TYW5: variants seen among roughly 807,000 people sequenced by gnomAD.
TYW5 encodes the protein tRNA-yW synthesizing protein 5.
Under a neutral mutation model 44.4 loss-of-function variants are expected in TYW5, and 36 were observed. That is an observed-to-expected ratio of 0.81 (90% CI 0.62 to 1.07). The LOEUF (loss-of-function observed/expected upper bound fraction) is 1.07, where lower values mean the gene tolerates loss of function less well. Among genes scored for constraint, TYW5 ranks in the 50% least tolerant of loss-of-function variants. The pLI, the probability that TYW5 is intolerant of heterozygous loss-of-function variation, is 0.00. For missense variants in TYW5, 354 were observed against 365.7 expected (o/e 0.97, Z 0.26); for synonymous variants, 121 against 128.1 (o/e 0.94, Z 0.37).
chr2:199,954,473 C>T, intron 1 of TYW5, among the ~76,000 whole-genome samples: 1 of 152,002 alleles, frequency 6.6e-6, no homozygotes, highest in South Asian at 2.1e-4. Context: ...CTCTTGTTGC[C>T]CAGGCTGGAG....
Position 199,929,082 on chromosome 2 carries a change from A to G in TYW5, c.*3985T>C, listed in dbSNP as rs1170757716. On this transcript the variant is annotated 3_prime_UTR_variant, in exon 8 of 8. Transcript: ENST00000354611. Reference sequence around the variant, plus strand: ...CTCATGTTGCTCTTTACAAAGGAAGAGACCCAGCAGCTTTTAAGCCAGTTA... The same window carrying G: ...CTCATGTTGCTCTTTACAAAGGAAGGGACCCAGCAGCTTTTAAGCCAGTTA... Among the ~76,000 whole-genome samples, 1 of 152,208 alleles carries G rather than the reference A, an allele frequency of 6.6e-6. No individual in the cohort carries two copies. The highest frequency in any genetic ancestry group is 6.5e-5 in the Admixed American group (1 of 15,272).
rs199807816 is a variant in TYW5 at position 199,929,415 on chromosome 2, C to CT, written c.*3651dup. 7.9e-3 allele frequency among the ~76,000 whole-genome samples: 1,203 copies of CT among 152,226 alleles called. 21 individuals carry two copies. Among genetic ancestry groups the CT allele is most frequent in the African/African-American group, 0.027 (1,103 of 41,538 alleles). On this transcript the variant is annotated 3_prime_UTR_variant, in exon 8 of 8. Transcript: ENST00000354611. ...TGTGGCTTGTATGCTTGAAACAAGA[C>CT]TAAGGTAACACCAGAGATGTGTGGG...
intron 3 of TYW5, among the ~76,000 whole-genome samples, chr2:199,941,499 T>G (rs2077464576): frequency 6.6e-6 from 1 of 152,310 alleles, no homozygotes; most frequent in Non-Finnish European, 1.5e-5. Flanking sequence ...AACATAAACT[T>G]CAAAAGATAA....
chr2:199,942,637 C>T (rs1453400208), intron 3 of TYW5: 1 of 151,850 alleles, frequency 6.6e-6, no homozygotes, highest in Non-Finnish European at 1.5e-5. Context: ...TAATGGAATC[C>T]ATTTAAAAAG....
chr2:199,950,987 A>G (rs886112826), intron 1 of TYW5, among the ~76,000 whole-genome samples: 1 of 152,200 alleles, frequency 6.6e-6, no homozygotes, highest in African/African-American at 2.4e-5. Flanking sequence ...TTAACCCACC[A>G]CTACTATGAC....
intron 5 of TYW5, among the ~76,000 whole-genome samples, chr2:199,937,910 T>C (rs1361505972): frequency 6.6e-6 from 1 of 151,702 alleles, no homozygotes; most frequent in Admixed American, 6.6e-5. Flanking sequence ...TTTTTTTTTC[T>C]TTGGAAACTT....
rs35165461 is a variant in TYW5 at position 199,929,970 on chromosome 2, ATTT to A, written c.*3094_*3096del. ...ACCACTCCCCAGCTCTGCATATAAT[ATTT>A]TTTTTTTTTTTTTTTTTTTTGAGAC... On this transcript the variant is annotated 3_prime_UTR_variant, in exon 8 of 8. Transcript: ENST00000354611. The A allele has an allele frequency of 6.5e-4, 58 of 89,862 alleles. No individual in the cohort carries two copies. The highest frequency in any genetic ancestry group is 2.6e-3 in the East Asian group (8 of 3,118). 5.6% of individuals were successfully genotyped at this position (89,862 alleles called of 1,614,324 possible).
chr2:199,946,104 A>G (rs1332172907), intron 2 of TYW5: 1 of 152,216 alleles, frequency 6.6e-6, no homozygotes, highest in Non-Finnish European at 1.5e-5. Context: ...AAGTTACTTA[A>G]TATTTTTAAA....
At chr2:199,935,439 C>T (rs932067941) in intron 7 of TYW5, among the ~76,000 whole-genome samples, 1 of 151,800 alleles carries the variant, frequency 6.6e-6, no homozygotes, top group Non-Finnish European at 1.5e-5. Context: ...ACCTCGTGGG[C>T]CCAAGAGATC....
intron 5 of TYW5, among the ~76,000 whole-genome samples, chr2:199,938,087 CAG>C (rs1157510913): frequency 2.0e-5 from 3 of 149,342 alleles, no homozygotes; most frequent in Non-Finnish European, 4.4e-5. Context: ...TTTTTTGAGA[CAG>C]AGTCTCGTTC....
rs2077369157 is a variant in TYW5 at position 199,930,622 on chromosome 2, A to C, written c.*2445T>G. On this transcript the variant is annotated 3_prime_UTR_variant, in exon 8 of 8. Coordinates refer to ENST00000354611, the MANE Select transcript of TYW5 (RefSeq NM_001039693.3). The stretch of plus-strand genomic sequence containing the variant: ...CTGACCCACCATTACTTTTATTTTG[A>C]ATCTTGTCTGTGTAGCAAGCAGTGC... The C allele has an allele frequency of 6.6e-6, 1 of 152,130 alleles. No homozygotes were observed. The highest frequency in any genetic ancestry group is 1.5e-5 in the Non-Finnish European group (1 of 68,054). 9.4% of individuals were successfully genotyped at this position (152,130 alleles called of 1,614,324 possible). A position where few individuals can be genotyped will look rare whatever the true frequency, so the allele number is the denominator to read the frequency against.
rs1232659815 is a variant in TYW5 at position 199,931,525 on chromosome 2, G to A, written c.*1542C>T. 6.6e-6 allele frequency: 1 copy of A among 152,134 alleles called. No individual in the cohort carries two copies. The highest frequency in any genetic ancestry group is 1.5e-5 in the Non-Finnish European group (1 of 67,992). The allele number at this position is 152,134 out of a possible 1,614,324, so 9.4% of individuals were successfully genotyped here. ...TGAAGGACAAGGAATCAGTAAAGAA[G>A]TTCTTTGCTTTGCTTAATGAAGATC... On this transcript the variant is annotated 3_prime_UTR_variant, in exon 8 of 8. Transcript: ENST00000354611.
intron 1 of TYW5, among the ~76,000 whole-genome samples, chr2:199,949,349 CAG>C (rs2077527273): frequency 6.6e-6 from 1 of 152,132 alleles, no homozygotes; most frequent in African/African-American, 2.4e-5. Flanking sequence ...GCCTGGGCGA[CAG>C]AGTGAAACTC....
chr2:199,952,809 C>T (rs967676387), intron 1 of TYW5, among the ~76,000 whole-genome samples: 2 of 152,188 alleles, frequency 1.3e-5, no homozygotes, highest in Non-Finnish European at 2.9e-5. Context: ...CGAGTGTACT[C>T]ACAACTTGTG....
At chr2:199,947,720 C>T (rs548929595) in intron 2 of TYW5, 3 of 152,412 alleles carry the variant, frequency 2.0e-5, no homozygotes, top group African/African-American at 7.2e-5. Flanking sequence ...CATCCAACTT[C>T]GTATGAAATC....
chr2:199,938,873 GT>G, intron 5 of TYW5, 59 bp downstream of exon 5: 1 of 1,498,300 alleles, frequency 6.7e-7, no homozygotes, highest in Non-Finnish European at 8.9e-7. Context: ...AACTGTGACT[GT>G]TAAATCTATA....
At chr2:199,934,969 A>G (rs1354922773) in intron 7 of TYW5, among the ~76,000 whole-genome samples, 1 of 152,032 alleles carries the variant, frequency 6.6e-6, no homozygotes, top group Non-Finnish European at 1.5e-5. Flanking sequence ...TTTAATATGA[A>G]ATCTTTCATC....
Position 199,948,422 on chromosome 2 carries a change from T to G in TYW5, c.129A>C (p.Lys43Asn). 1 of 1,614,170 alleles carries G rather than the reference T, an allele frequency of 6.2e-7. No individual in the cohort carries two copies. Among genetic ancestry groups the G allele is most frequent in the Non-Finnish European group, 8.5e-7 (1 of 1,180,018 alleles). The change falls in exon 2 of 8, where the codon AAA becomes AAC. Residue 43 changes from lysine (K) to asparagine (N), a missense_variant. Lys to Asn is a moderately conservative substitution (Grantham distance 94). Coordinates refer to ENST00000354611, the MANE Select transcript of TYW5 (RefSeq NM_001039693.3). ...EGIDLGPCTS[K>N]WTVDYLSQVG... ...CTTGGCTTAGGTAATCCACTGTCCA[T>G]TTGCTTGTACATGGCCCCAAATCAA... is the stretch of plus-strand genomic sequence containing the variant.
chr2:199,933,104 T>C lies in TYW5; in HGVS notation c.911A>G (p.His304Arg), dbSNP rs2077392274. 1.9e-6 allele frequency: 3 copies of C among 1,614,196 alleles called. No individual in the cohort carries two copies. The highest frequency in any genetic ancestry group is 1.7e-6 in the Non-Finnish European group (2 of 1,180,018). The stretch of plus-strand genomic sequence containing the variant: ...CTTGCTGTAGGCTTTGTCTTGAATG[T>C]GTAGGACCATTCGTCGTGCATAGAA... ...RDFYARRMVLHIQDKAYSKNS... is the reference protein window; with the variant it reads ...RDFYARRMVLRIQDKAYSKNS... Residue 304 changes from histidine to arginine, a missense_variant, in exon 8 of 8, where the codon CAC becomes CGC. His to Arg is a conservative substitution (Grantham distance 29). Transcript: ENST00000354611.
Sources: allele counts gnomAD v4.1 joint callset (sites outside exome capture counted in the v4.1 genomes callset), GRCh38; gene constraint gnomAD v4.1.1; transcripts MANE v1.5; gene names NCBI Gene and HGNC (gene_info 2026-07-23, HGNC 2026-07-21).